Variants in ST8SIA5 observed in about 807,000 individuals in gnomAD.
The protein encoded by ST8SIA5 is ST8 alpha-N-acetyl-neuraminide alpha-2,8-sialyltransferase 5.
In ST8SIA5, 24 loss-of-function variants were observed where a neutral mutation model predicts 40.2. The observed-to-expected ratio is 0.60, with a 90% CI of 0.43 to 0.84. The LOEUF (loss-of-function observed/expected upper bound fraction) is 0.84, where lower values mean the gene tolerates loss of function less well. Ranked by LOEUF, ST8SIA5 falls within the 40% of genes least tolerant of loss-of-function variation. ST8SIA5 has a pLI of 0.00. For missense variants in ST8SIA5, 465 were observed against 498.5 expected (o/e 0.93, Z 0.64); for synonymous variants, 198 against 201.8 (o/e 0.98, Z 0.16).
chr18:46,745,957 G>A (rs913435352), intron 1 of ST8SIA5, among the ~76,000 whole-genome samples: 19 of 152,074 alleles, frequency 1.2e-4, no homozygotes, highest in Non-Finnish European at 2.6e-4. Context: ...CAGAACCAAC[G>A]ACAAAAAACA....
At chr18:46,733,452 C>T (rs1485397140) in intron 1 of ST8SIA5, among the ~76,000 whole-genome samples, 1 of 152,162 alleles carries the variant, frequency 6.6e-6, no homozygotes, top group South Asian at 2.1e-4. Flanking sequence ...TCCCAGGCCA[C>T]ATACTGAGGC....
Position 46,670,077 on chromosome 18 carries a change from A to T in ST8SIA5, c.*9965T>A, listed in dbSNP as rs1599090311. 2 of 152,238 alleles carry T rather than the reference A, an allele frequency of 1.3e-5. No homozygotes were observed. Among genetic ancestry groups the T allele is most frequent in the South Asian group, 2.1e-4 (1 of 4,816 alleles). The allele number at this position is 152,238 out of a possible 1,614,324, so 9.4% of individuals were successfully genotyped here. A position where few individuals can be genotyped will look rare whatever the true frequency, so the allele number is the denominator to read the frequency against. On this transcript the variant is annotated 3_prime_UTR_variant, in exon 7 of 7. Coordinates refer to ENST00000315087, the MANE Select transcript of ST8SIA5 (RefSeq NM_013305.6). ...GAGTGAGACTCCATCTCAAAAAAAA[A>T]AAAAGAGTGAGTTTACCCATCTCGC...
chr18:46,672,152 G>A lies in ST8SIA5; in HGVS notation c.*7890C>T, dbSNP rs2039312503. On this transcript the variant is annotated 3_prime_UTR_variant, in exon 7 of 7. Coordinates refer to ENST00000315087, the MANE Select transcript of ST8SIA5 (RefSeq NM_013305.6). ...ATCCTAATATTCAGGTCACATCTCA[G>A]ACCACCTGACTCAGAATGTCAAGGG... is the stretch of plus-strand genomic sequence containing the variant. 1 of 152,236 alleles carries A rather than the reference G, an allele frequency of 6.6e-6. No homozygotes were observed. The highest frequency in any genetic ancestry group is 2.1e-4 in the South Asian group (1 of 4,832). The allele number at this position is 152,236 out of a possible 1,614,324, so 9.4% of individuals were successfully genotyped here.
intron 1 of ST8SIA5, chr18:46,721,317 G>C (rs184044699): frequency 2.0e-6 from 3 of 1,516,520 alleles, no homozygotes; most frequent in Non-Finnish European, 1.8e-6. Context: ...GGGCCACCCC[G>C]GGTTGAGCTT....
chr18:46,721,438 G>C, intron 1 of ST8SIA5: 1 of 1,536,138 alleles, frequency 6.5e-7, no homozygotes, highest in Non-Finnish European at 8.7e-7. Flanking sequence ...TTGGTCAGCT[G>C]GTCACCACTC....
chr18:46,691,664 C>T (rs1363102843), intron 3 of ST8SIA5: 1 of 156,432 alleles, frequency 6.4e-6, no homozygotes, highest in Admixed American at 6.2e-5. Context: ...ATAATCTGCT[C>T]ATTTTGGTTA....
chr18:46,697,315 TA>T (rs1210051363), intron 2 of ST8SIA5, among the ~76,000 whole-genome samples: 1 of 151,720 alleles, frequency 6.6e-6, no homozygotes, highest in Non-Finnish European at 1.5e-5. Flanking sequence ...ACCCATCAGA[TA>T]AAATGACCAC....
At chr18:46,710,304 A>T (rs2039710228) in intron 1 of ST8SIA5, among the ~76,000 whole-genome samples, 1 of 152,044 alleles carries the variant, frequency 6.6e-6, no homozygotes, top group Non-Finnish European at 1.5e-5. Context: ...ACTGGGCTCC[A>T]GCTCTGTGGG....
chr18:46,712,653 G>A (rs985362733), intron 1 of ST8SIA5, among the ~76,000 whole-genome samples: 3 of 152,168 alleles, frequency 2.0e-5, no homozygotes. Flanking sequence ...TGCGTGAGAA[G>A]GGTTTTTCTC....
rs1033312879 is a variant in ST8SIA5, at chr18:46,668,024, TA to T, written c.*12017del. The stretch of plus-strand genomic sequence containing the variant: ...CACTGCTCCCAGAACAAAATTTGCA[TA>T]AAAATAAGATCAGGCCTGCAGCCCC... On this transcript the variant is annotated 3_prime_UTR_variant, in exon 7 of 7. Transcript: ENST00000315087. 6.6e-6 allele frequency: 1 copy of T among 152,174 alleles called. No individual in the cohort carries two copies. The highest frequency in any genetic ancestry group is 2.4e-5 in the African/African-American group (1 of 41,412). 9.4% of individuals were successfully genotyped at this position (152,174 alleles called of 1,614,324 possible).
intron 2 of ST8SIA5, among the ~76,000 whole-genome samples, chr18:46,695,161 A>ACG (rs2039545410): frequency 9.2e-6 from 1 of 108,286 alleles, no homozygotes; most frequent in Non-Finnish European, 2.0e-5. Flanking sequence ...TCCATCTCAA[A>ACG]AGAAAAAAAA....
chr18:46,693,563 G>C (rs1196492740), intron 2 of ST8SIA5, among the ~76,000 whole-genome samples: 1 of 152,172 alleles, frequency 6.6e-6, no homozygotes, highest in Non-Finnish European at 1.5e-5. Context: ...CCTGCAAAAA[G>C]AACTCATTTT....
chr18:46,712,168 C>A (rs2039739213), intron 1 of ST8SIA5, among the ~76,000 whole-genome samples: 1 of 152,148 alleles, frequency 6.6e-6, no homozygotes, highest in Non-Finnish European at 1.5e-5. Context: ...TTTTCCAGGC[C>A]AGACTAGGGA....
In ST8SIA5 at chr18:46,679,913, G is replaced by A. The variant is rs902014588; in HGVS notation, c.*129C>T. 1 of 908,798 alleles carries A rather than the reference G, an allele frequency of 1.1e-6. No homozygotes were observed. The highest frequency in any genetic ancestry group is 1.6e-6 in the Non-Finnish European group (1 of 615,148). 56.3% of individuals were successfully genotyped at this position (908,798 alleles called of 1,614,324 possible). A position where few individuals can be genotyped will look rare whatever the true frequency, so the allele number is the denominator to read the frequency against. Reference sequence around the variant, plus strand: ...CCCTACCCCAGGATCCAAGTACAGAGCTGAACAATGGAGGGAGAGACAGCC... The same window carrying A: ...CCCTACCCCAGGATCCAAGTACAGAACTGAACAATGGAGGGAGAGACAGCC... On this transcript the variant is annotated 3_prime_UTR_variant, in exon 7 of 7. Transcript: ENST00000315087.
chr18:46,687,865 G>A (rs1463755734), intron 4 of ST8SIA5, among the ~76,000 whole-genome samples: 2 of 152,202 alleles, frequency 1.3e-5, no homozygotes, highest in Non-Finnish European at 2.9e-5. Context: ...TCTCCTGAAT[G>A]TGGTTATGAA....
At chr18:46,718,100 A>T (rs896258125) in intron 1 of ST8SIA5, among the ~76,000 whole-genome samples, 36 of 152,146 alleles carry the variant, frequency 2.4e-4, no homozygotes, top group African/African-American at 8.7e-4. Flanking sequence ...AGGCTGAGGC[A>T]GGTGGATCAC....
intron 1 of ST8SIA5, among the ~76,000 whole-genome samples, chr18:46,722,173 C>T (rs1022420391): frequency 2.0e-5 from 3 of 152,154 alleles, no homozygotes; most frequent in Non-Finnish European, 4.4e-5. Flanking sequence ...CCAGGGCCAG[C>T]GAAGGTGGGA....
intron 1 of ST8SIA5, among the ~76,000 whole-genome samples, chr18:46,721,809 A>G (rs2039866835): frequency 6.6e-6 from 1 of 152,180 alleles, no homozygotes; most frequent in African/African-American, 2.4e-5. Context: ...GCCTCCAGTT[A>G]AACCAAAAGA....
At chr18:46,730,851 A>G (rs1443710694) in intron 1 of ST8SIA5, among the ~76,000 whole-genome samples, 1 of 152,170 alleles carries the variant, frequency 6.6e-6, no homozygotes, top group Admixed American at 6.5e-5. Flanking sequence ...CACAGGAGCT[A>G]ATACCTGTAA....
Sources: allele counts gnomAD v4.1 joint callset (sites outside exome capture counted in the v4.1 genomes callset), GRCh38; gene constraint gnomAD v4.1.1; transcripts MANE v1.5; gene names NCBI Gene and HGNC (gene_info 2026-07-23, HGNC 2026-07-21).